The following TCERG1 variants were observed in gnomAD, a reference collection of about 807,000 sequenced individuals.
The protein encoded by TCERG1 is transcription elongation regulator 1, also known as TATA box binding protein (TBP)-associated factor, RNA polymerase II, S, 150kD.
TCERG1 carries 37 observed loss-of-function variants against 144.7 expected under a neutral mutation model. That is an observed-to-expected ratio of 0.26 (90% CI 0.20 to 0.34). TCERG1 has a LOEUF of 0.34. TCERG1 is among the 10% of genes least tolerant of loss of function. The pLI, the probability that TCERG1 is intolerant of heterozygous loss-of-function variation, is 1.00. For missense variants in TCERG1, 1,027 were observed against 1,380.7 expected, an observed-to-expected ratio of 0.74 and a Z score of 4.06; for synonymous variants, 492 against 458.2, an observed-to-expected ratio of 1.07 and a Z score of -0.94.
intron 9 of TCERG1, among the ~76,000 whole-genome samples, chr5:146,472,397 C>T (rs1487308800): frequency 6.6e-6 from 1 of 151,936 alleles, no homozygotes; most frequent in East Asian, 1.9e-4. Context: ...TTTGGTAATT[C>T]TTGGGATATT....
rs151036017 is a variant in TCERG1, at chr5:146,479,396, C to T, written c.1763-459C>T. Among the ~76,000 whole-genome samples, 64 of 152,108 alleles carry T rather than the reference C, an allele frequency of 4.2e-4. No homozygotes were observed. The East Asian group carries it at 0.011, about 26-fold the overall frequency. On this transcript the variant is annotated intron_variant, in intron 10 of 22. Transcript: ENST00000679501. The stretch of plus-strand genomic sequence containing the variant: ...TTATAAGTAATTTCTGAGTCAGTGC[C>T]GCTTTGCCTATCTAGTGCTGAAGGT...
chr5:146,453,211 G>A (rs1026107221), intron 1 of TCERG1, among the ~76,000 whole-genome samples: 3 of 152,066 alleles, frequency 2.0e-5, no homozygotes, highest in Non-Finnish European at 4.4e-5. Context: ...GTGGGGCAGT[G>A]TGCCCTACAG....
intron 22 of TCERG1, 79 bp from the exon 23 acceptor site, chr5:146,510,362 A>T: frequency 9.9e-7 from 1 of 1,013,348 alleles, no homozygotes; most frequent in Non-Finnish European, 1.5e-6. Flanking sequence ...ATTAGGAACT[A>T]GATGGACATT....
In TCERG1 at chr5:146,499,206, C is replaced by G. The variant is rs557159074; in HGVS notation, c.2433+520C>G. Among the ~76,000 whole-genome samples the G allele has an allele frequency of 5.3e-5, 8 of 152,274 alleles. 1 individual carries two copies. The Middle Eastern group carries it at 0.014, about 259-fold the overall frequency. Reference sequence around the variant, plus strand: ...GTCAGGAGTGGAGAGGAGCTTACCACTGGGGAGGAAAACTAGTAGGGAGAT... The same window carrying G: ...GTCAGGAGTGGAGAGGAGCTTACCAGTGGGGAGGAAAACTAGTAGGGAGAT... On this transcript the variant is annotated intron_variant, in intron 17 of 22. Coordinates refer to ENST00000679501, the MANE Select transcript of TCERG1 (RefSeq NM_001382548.1).
chr5:146,484,897 TCTC>T (rs1457045995), intron 15 of TCERG1, among the ~76,000 whole-genome samples: 5 of 152,134 alleles, frequency 3.3e-5, no homozygotes, highest in Admixed American at 6.6e-5. Flanking sequence ...CTATTGTTGA[TCTC>T]CTTCATTCCA....
chr5:146,472,193 A>G (rs1458556479), intron 9 of TCERG1, among the ~76,000 whole-genome samples: 2 of 152,206 alleles, frequency 1.3e-5, no homozygotes, highest in Non-Finnish European at 2.9e-5. Context: ...ATGCGATTAC[A>G]TTTATAGAAT....
intron 1 of TCERG1, among the ~76,000 whole-genome samples, chr5:146,449,301 A>T (rs1337204419): frequency 6.6e-6 from 1 of 152,372 alleles, no homozygotes; most frequent in South Asian, 2.1e-4. Flanking sequence ...TGTGTGCTAC[A>T]TGACAGTTGC....
In TCERG1 at chr5:146,503,546, G is replaced by C. The variant is rs760315184; in HGVS notation, c.2598+7G>C. ...CATTGAAAAAATAGCCAAGGTAACT[G>C]TTGTGTTTACTTGTATTGCTTTCAT... On this transcript the variant is annotated splice_region_variant and intron_variant, in intron 18 of 22. Transcript: ENST00000679501. The C allele has an allele frequency of 6.2e-7, 1 of 1,612,818 alleles. No homozygotes were observed. The highest frequency in any genetic ancestry group is 8.5e-7 in the Non-Finnish European group (1 of 1,179,314).
chr5:146,498,401 G>A, intron 16 of TCERG1, 135 bp from the exon 17 acceptor site: 1 of 831,036 alleles, frequency 1.2e-6, no homozygotes, highest in Non-Finnish European at 1.7e-6. Flanking sequence ...GAAACTTACT[G>A]TTCACTGTTA....
Position 146,470,724 on chromosome 5 carries a change from A to C in TCERG1, c.1488A>C (p.Glu496Asp). ...AGACGGAGGAGGAGGATCCTAAAGA[A>C]GAGCCTATAAAGGAGATAAAGGAGG... ...PMETEEEDPK[E>D]EPIKEIKEEP... is the part of the protein sequence containing the mutation. Residue 496 changes from glutamate to aspartate, a missense_variant, in exon 8 of 23, where the codon GAA becomes GAC. By Grantham distance (45) the Glu-to-Asp change is conservative (BLOSUM62 2). Around this residue, in one of 6 missense-constraint regions of TCERG1, gnomAD observed 482 missense variants for 632.6 expected, o/e 0.76. Transcript: ENST00000679501. The C allele has an allele frequency of 3.1e-6, 5 of 1,613,466 alleles. No homozygotes were observed. The highest frequency in any genetic ancestry group is 4.2e-6 in the Non-Finnish European group (5 of 1,179,796).
At chr5:146,461,006 C>G (rs1763283925) in intron 4 of TCERG1, among the ~76,000 whole-genome samples, 1 of 152,148 alleles carries the variant, frequency 6.6e-6, no homozygotes, top group Admixed American at 6.5e-5. Flanking sequence ...CTCTGTGTTG[C>G]TTACATTTTC....
Position 146,469,664 on chromosome 5 carries a change from C to G in TCERG1, c.1319C>G (p.Thr440Arg). 6.2e-7 allele frequency: 1 copy of G among 1,613,190 alleles called. No individual in the cohort carries two copies. The highest frequency in any genetic ancestry group is 8.5e-7 in the Non-Finnish European group (1 of 1,179,520). Residue 440 changes from threonine (T) to arginine (R), a missense_variant, in exon 7 of 23, where the codon ACA becomes AGA. Thr to Arg is a moderately conservative substitution (Grantham distance 71, BLOSUM62 -1). This residue lies in a region of TCERG1 where 482 missense variants were observed against 632.6 expected (regional missense o/e 0.76). Coordinates refer to ENST00000679501, the MANE Select transcript of TCERG1 (RefSeq NM_001382548.1). ...TAVSEWTEYK[T>R]ADGKTYYYNN... ...GTTTCTGAATGGACTGAATATAAAA[C>G]AGCAGATGGGAAGACATATTATTAT...
chr5:146,510,194 C>T (rs553950667), intron 22 of TCERG1: 3 of 914,678 alleles, frequency 3.3e-6, no homozygotes, highest in Non-Finnish European at 4.6e-6. Context: ...CACCCACCCT[C>T]AGCCCTGATC....
chr5:146,497,265 G>A (rs1304929482), intron 16 of TCERG1, among the ~76,000 whole-genome samples: 1 of 152,118 alleles, frequency 6.6e-6, no homozygotes, highest in African/African-American at 2.4e-5. Context: ...TTGCCTCCCA[G>A]GTTCAAAAGA....
chr5:146,468,806 T>C (rs1464912240), intron 6 of TCERG1, among the ~76,000 whole-genome samples: 1 of 152,190 alleles, frequency 6.6e-6, no homozygotes, highest in Non-Finnish European at 1.5e-5. Flanking sequence ...ATGTGTATAG[T>C]ATACATTTAC....
intron 21 of TCERG1, among the ~76,000 whole-genome samples, chr5:146,508,801 T>A (rs976316749): frequency 1.4e-4 from 21 of 152,184 alleles, no homozygotes; most frequent in African/African-American, 3.9e-4. Context: ...CACTTAATCC[T>A]TAATATCCTT....
chr5:146,450,586 C>G (rs1382204861), intron 1 of TCERG1, among the ~76,000 whole-genome samples: 2 of 152,096 alleles, frequency 1.3e-5, no homozygotes, highest in African/African-American at 4.8e-5. Flanking sequence ...AAGCACTATT[C>G]CAAGTACTTT....
At chr5:146,479,762 T>G in intron 10 of TCERG1, 93 bp from the exon 11 acceptor site, 1 of 1,216,716 alleles carries the variant, frequency 8.2e-7, no homozygotes, top group Non-Finnish European at 1.2e-6. Context: ...TATTAAGAGG[T>G]GAATATATTA....
intron 16 of TCERG1, among the ~76,000 whole-genome samples, chr5:146,494,897 C>A (rs1254867164): frequency 6.6e-6 from 1 of 152,100 alleles, no homozygotes; most frequent in East Asian, 1.9e-4. Context: ...CAGCCATTAC[C>A]TACTTCCTTC....
Sources: allele counts gnomAD v4.1 joint callset (sites outside exome capture counted in the v4.1 genomes callset), GRCh38; gene constraint gnomAD v4.1.1; regional missense constraint gnomAD v4.1.1; transcripts MANE v1.5; gene names NCBI Gene and HGNC (gene_info 2026-07-23, HGNC 2026-07-21).